Variants in CENPK observed in about 807,000 individuals in gnomAD.
The protein encoded by CENPK is centromere protein K.
Under a neutral mutation model 40.9 loss-of-function variants are expected in CENPK, and 46 were observed. That is an observed-to-expected ratio of 1.13 (90% CI 0.89 to 1.44). The LOEUF is 1.44. CENPK is among the 40% of genes most tolerant of loss of function. The pLI, the probability that CENPK is intolerant of heterozygous loss-of-function variation, is 0.00. For synonymous variants in CENPK, 107 were observed against 104.4 expected, an observed-to-expected ratio of 1.02 and a Z score of -0.15; for missense variants, 288 against 303.5, an observed-to-expected ratio of 0.95 and a Z score of 0.38.
At chr5:65,560,347 C>G (rs929040960) in intron 2 of CENPK, among the ~76,000 whole-genome samples, 2 of 151,894 alleles carry the variant, frequency 1.3e-5, no homozygotes, top group African/African-American at 4.8e-5. Flanking sequence ...CCAAAAAAGT[C>G]AGGTTACCAA....
At chr5:65,536,313 T>C (rs1418857974) in intron 6 of CENPK, among the ~76,000 whole-genome samples, 1 of 152,120 alleles carries the variant, frequency 6.6e-6, no homozygotes, top group Non-Finnish European at 1.5e-5. Flanking sequence ...TCTTTTTCAA[T>C]GTAAAGAATC....
chr5:65,558,258 G>A (rs1751325516), intron 2 of CENPK, among the ~76,000 whole-genome samples: 1 of 152,150 alleles, frequency 6.6e-6, no homozygotes, highest in Admixed American at 6.5e-5. Flanking sequence ...TTAAAGATGG[G>A]AGAAAATATA....
intron 2 of CENPK, among the ~76,000 whole-genome samples, chr5:65,555,528 G>A (rs1458709654): frequency 5.9e-5 from 9 of 152,210 alleles, no homozygotes; most frequent in African/African-American, 1.7e-4. Flanking sequence ...ACAGAGGAAT[G>A]AATCATTTGA....
intron 6 of CENPK, among the ~76,000 whole-genome samples, chr5:65,532,202 T>G (rs2150391756): frequency 6.6e-6 from 1 of 152,304 alleles, no homozygotes; most frequent in Non-Finnish European, 1.5e-5. Context: ...GAAATATGAC[T>G]GGCTCCAGAG....
intron 5 of CENPK, among the ~76,000 whole-genome samples, chr5:65,543,235 C>T (rs6892213): frequency 0.41 from 61,855 of 152,010 alleles, 12,944 homozygotes; most frequent in East Asian, 0.65. Flanking sequence ...CAACTTTTTA[C>T]GAAATGTGTG....
the CENPK span, among the ~76,000 whole-genome samples, chr5:65,507,456 T>G: frequency 6.6e-6 from 1 of 152,220 alleles, no homozygotes; most frequent in Non-Finnish European, 1.5e-5. Context: ...CAACAAAATC[T>G]GTTTGCCTTG....
the CENPK span, among the ~76,000 whole-genome samples, chr5:65,502,711 A>G: frequency 6.6e-6 from 1 of 152,094 alleles, no homozygotes; most frequent in South Asian, 2.1e-4. Flanking sequence ...ATTGGGCTCT[A>G]ACAATCCTCC....
the CENPK span, among the ~76,000 whole-genome samples, chr5:65,499,657 T>G: frequency 9.2e-6 from 1 of 108,190 alleles, no homozygotes; most frequent in African/African-American, 4.7e-5. Flanking sequence ...AGATCTTTTT[T>G]TTTTTTTTAA....
At chr5:65,556,776 G>A (rs1026641688) in intron 2 of CENPK, among the ~76,000 whole-genome samples, 6 of 152,082 alleles carry the variant, frequency 3.9e-5, no homozygotes, top group African/African-American at 1.4e-4. Context: ...TACATTCATG[G>A]TAAAAGCCCT....
In CENPK at chr5:65,518,394, G is replaced by GT; in HGVS notation, c.*80dup. 2.1e-6 allele frequency: 3 copies of GT among 1,415,900 alleles called. No homozygotes were observed. The highest frequency in any genetic ancestry group is 2.9e-6 in the Non-Finnish European group (3 of 1,031,766). The allele number at this position is 1,415,900 out of a possible 1,614,324, so 87.7% of individuals were successfully genotyped here. On this transcript the variant is annotated 3_prime_UTR_variant, in exon 11 of 11. Coordinates refer to ENST00000396679, the MANE Select transcript of CENPK (RefSeq NM_022145.5). ...CTATGCGCATTAATTTGCAAATAAT[G>GT]TTTTTTATCCAAATAGTCCTGTGGT... is the stretch of plus-strand genomic sequence containing the variant.
At chr5:65,545,634 A>G (rs1194699051) in intron 5 of CENPK, among the ~76,000 whole-genome samples, 1 of 152,184 alleles carries the variant, frequency 6.6e-6, no homozygotes, top group African/African-American at 2.4e-5. Context: ...GAAACAATAA[A>G]AGGAATTTTA....
chr5:65,515,405 G>A (rs1561604054), downstream of CENPK, among the ~76,000 whole-genome samples: 2 of 151,864 alleles, frequency 1.3e-5, no homozygotes, highest in Admixed American at 6.6e-5. Flanking sequence ...GTTTCACCAC[G>A]TTAGCCAGGA....
the CENPK span, among the ~76,000 whole-genome samples, chr5:65,499,626 G>A: frequency 3.4e-5 from 5 of 145,364 alleles, no homozygotes; most frequent in Non-Finnish European, 6.0e-5. Flanking sequence ...CTCTTTCTGG[G>A]ACTTTGATGA....
intron 5 of CENPK, among the ~76,000 whole-genome samples, chr5:65,546,523 A>G (rs1025306535): frequency 1.3e-5 from 2 of 152,230 alleles, no homozygotes; most frequent in African/African-American, 4.8e-5. Flanking sequence ...CTTTAAATAT[A>G]TAGATTTGTA....
At chr5:65,549,530 C>A (rs1446640982) in intron 5 of CENPK, among the ~76,000 whole-genome samples, 1 of 152,202 alleles carries the variant, frequency 6.6e-6, no homozygotes, top group African/African-American at 2.4e-5. Flanking sequence ...GTTCTGTCTA[C>A]ATTGAAAATT....
At chr5:65,513,171 A>G (rs903151993), downstream of CENPK, among the ~76,000 whole-genome samples, 4 of 152,200 alleles carry the variant, frequency 2.6e-5, no homozygotes, top group Non-Finnish European at 4.4e-5. Context: ...TAATTTTAAT[A>G]AAGTCCAACT....
intron 9 of CENPK, among the ~76,000 whole-genome samples, chr5:65,527,514 T>C (rs1360254314): frequency 5.4e-5 from 1 of 18,454 alleles, no homozygotes; most frequent in African/African-American, 1.9e-4. Flanking sequence ...TATATATATA[T>C]ATATATATAT....
At position 65,552,628 on chromosome 5, in the gene CENPK, G is replaced by C. The variant is rs528381932; in HGVS notation, c.112-79C>G. On this transcript the variant is annotated intron_variant, in intron 3 of 10. Coordinates refer to ENST00000396679, the MANE Select transcript of CENPK (RefSeq NM_022145.5). The stretch of plus-strand genomic sequence containing the variant: ...TCCCTTCCCCTCTCCTTTTCTACCA[G>C]GCCAATATAACACTCTTCTAAAGCA... 26 of 770,012 alleles carry C rather than the reference G, an allele frequency of 3.4e-5. No homozygotes were observed. The East Asian group carries it at 7.1e-4, about 21-fold the overall frequency. The allele number at this position is 770,012 out of a possible 1,614,324, so 47.7% of individuals were successfully genotyped here.
At chr5:65,496,407 A>C in the CENPK span, among the ~76,000 whole-genome samples, 862 of 152,320 alleles carry the variant, frequency 5.7e-3, 7 homozygotes, top group African/African-American at 0.019. Context: ...TGTTAAAATA[A>C]ATGATGGTAC....
Sources: gnomAD v4.1 joint callset for allele counts (sites outside exome capture counted in the v4.1 genomes callset) on GRCh38, gnomAD v4.1.1 for gene constraint, MANE v1.5 for transcripts, NCBI Gene and HGNC (gene_info 2026-07-23, HGNC 2026-07-21) for gene names.